Variants in CHRM5 observed in about 807,000 individuals in gnomAD.
CHRM5 encodes cholinergic receptor muscarinic 5, also known as muscarinic acetylcholine receptor M5.
In CHRM5, 18 loss-of-function variants were observed where a neutral mutation model predicts 39.0. That is an observed-to-expected ratio of 0.46 (90% CI 0.32 to 0.68). The LOEUF (loss-of-function observed/expected upper bound fraction) is 0.68. Ranked by LOEUF, CHRM5 falls within the 30% of genes least tolerant of loss-of-function variation. The pLI, the probability that CHRM5 is intolerant of heterozygous loss-of-function variation, is 0.04. For missense variants in CHRM5, 515 were observed against 651.1 expected, an observed-to-expected ratio of 0.79 and a Z score of 2.28; for synonymous variants, 241 against 246.3, an observed-to-expected ratio of 0.98 and a Z score of 0.20.
At chr15:33,993,890 T>C (rs1896828918) in intron 1 of CHRM5, among the ~76,000 whole-genome samples, 1 of 152,244 alleles carries the variant, frequency 6.6e-6, no homozygotes. Context: ...TACTAACGAA[T>C]TCTGTGGGCA....
intron 1 of CHRM5, among the ~76,000 whole-genome samples, chr15:34,016,577 TA>T (rs1567468997): frequency 6.6e-6 from 1 of 152,140 alleles, no homozygotes; most frequent in Non-Finnish European, 1.5e-5. Flanking sequence ...CCTGAATCTT[TA>T]AAAAATATTA....
Position 33,988,847 on chromosome 15 carries a change from T to C in CHRM5, c.-408+19697T>C, listed in dbSNP as rs1896596421. On this transcript the variant is annotated intron_variant, in intron 1 of 2. Coordinates refer to ENST00000383263, the MANE Select transcript of CHRM5 (RefSeq NM_012125.4). ...TCCATTAAATGAAACCAAATCCATT[T>C]TGAAAGATTTTCAGTAAAGGTGATT... Among the ~76,000 whole-genome samples the C allele has an allele frequency of 2.6e-5, 4 of 152,236 alleles. 1 individual carries two copies. The highest frequency in any genetic ancestry group is 2.6e-4 in the Admixed American group (4 of 15,286).
rs1900481870 is a variant in CHRM5, at chr15:34,065,351, T to A, written c.*1035T>A. 1 of 152,246 alleles carries A rather than the reference T, an allele frequency of 6.6e-6. No individual in the cohort carries two copies. The highest frequency in any genetic ancestry group is 6.5e-5 in the Admixed American group (1 of 15,282). 9.4% of individuals were successfully genotyped at this position (152,246 alleles called of 1,614,324 possible). On this transcript the variant is annotated 3_prime_UTR_variant, in exon 3 of 3. Coordinates refer to ENST00000383263, the MANE Select transcript of CHRM5 (RefSeq NM_012125.4). ...GTGGAAAACAGATTTGCTTTTGAAT[T>A]TCTTCCAGAGCCCTTTTGCAGCCTC...
intron 1 of CHRM5, among the ~76,000 whole-genome samples, chr15:34,043,548 G>C (rs1237193545): frequency 5.9e-5 from 9 of 152,178 alleles, no homozygotes; most frequent in Non-Finnish European, 8.8e-5. Flanking sequence ...ACCAGCTACA[G>C]GGGGAGAGAC....
At chr15:34,056,842 G>A (rs550584063) in intron 2 of CHRM5, among the ~76,000 whole-genome samples, 38 of 152,252 alleles carry the variant, frequency 2.5e-4, no homozygotes, top group African/African-American at 9.1e-4. Flanking sequence ...GCCAGCCTGA[G>A]CAACATAGCG....
At chr15:34,030,899 T>G (rs1188980034) in intron 1 of CHRM5, among the ~76,000 whole-genome samples, 1 of 152,120 alleles carries the variant, frequency 6.6e-6, no homozygotes, top group Non-Finnish European at 1.5e-5. Context: ...ATTACAGGTA[T>G]GAGCCACTAC....
At chr15:34,057,132 G>T (rs2632098) in intron 2 of CHRM5, among the ~76,000 whole-genome samples, 94,770 of 145,124 alleles carry the variant, frequency 0.65, 31,723 homozygotes, top group South Asian at 0.79. Flanking sequence ...AAGAGTTTTG[G>T]TTTTTTTTGG....
intron 2 of CHRM5, among the ~76,000 whole-genome samples, chr15:34,055,418 T>C (rs1567491177): frequency 6.6e-6 from 1 of 151,560 alleles, no homozygotes; most frequent in Non-Finnish European, 1.5e-5. Context: ...GGCAGGAGAA[T>C]CTCCTGGATC....
intron 1 of CHRM5, among the ~76,000 whole-genome samples, chr15:34,011,469 A>G (rs1442577132): frequency 6.6e-6 from 1 of 152,210 alleles, no homozygotes; most frequent in Non-Finnish European, 1.5e-5. Context: ...AACAATGTAC[A>G]TAATAATAAA....
Position 34,065,449 on chromosome 15 carries a change from G to C in CHRM5, c.*1133G>C, listed in dbSNP as rs1467956624. The C allele has an allele frequency of 6.6e-6, 1 of 152,164 alleles. No individual in the cohort carries two copies. Among genetic ancestry groups the C allele is most frequent in the African/African-American group, 2.4e-5 (1 of 41,434 alleles). The allele number at this position is 152,164 out of a possible 1,614,324, so 9.4% of individuals were successfully genotyped here. ...TCAGCTGTGCTGCCTCCAAGCAGGG[G>C]GTTGTGGGGTGAGGTGGGGGTAGAA... is the stretch of plus-strand genomic sequence containing the variant. On this transcript the variant is annotated 3_prime_UTR_variant, in exon 3 of 3. Coordinates refer to ENST00000383263, the MANE Select transcript of CHRM5 (RefSeq NM_012125.4).
At chr15:33,972,911 T>C (rs1895703482) in intron 1 of CHRM5, among the ~76,000 whole-genome samples, 1 of 152,164 alleles carries the variant, frequency 6.6e-6, no homozygotes, top group African/African-American at 2.4e-5. Context: ...ACTCCACGCA[T>C]AATTACAAGT....
chr15:34,016,051 C>T (rs1955091533), intron 1 of CHRM5, among the ~76,000 whole-genome samples: 1 of 152,086 alleles, frequency 6.6e-6, no homozygotes. Flanking sequence ...CCAAGGTGGG[C>T]GGATCGCCTG....
chr15:34,031,937 A>T (rs998455766), intron 1 of CHRM5, among the ~76,000 whole-genome samples: 1 of 152,132 alleles, frequency 6.6e-6, no homozygotes, highest in Non-Finnish European at 1.5e-5. Context: ...TTTCAGACTA[A>T]CAAAGCTGTT....
At chr15:34,004,361 T>C (rs971311959) in intron 1 of CHRM5, among the ~76,000 whole-genome samples, 4 of 151,980 alleles carry the variant, frequency 2.6e-5, no homozygotes, top group Non-Finnish European at 5.9e-5. Flanking sequence ...GTTTCTTCAA[T>C]AAATAAACTG....
At chr15:33,994,205 G>A (rs543962488) in intron 1 of CHRM5, among the ~76,000 whole-genome samples, 30 of 152,276 alleles carry the variant, frequency 2.0e-4, no homozygotes, top group South Asian at 6.2e-4. Flanking sequence ...GTGCCTGAGC[G>A]CCACCTCCTG....
At chr15:34,014,927 A>G (rs1248436568) in intron 1 of CHRM5, among the ~76,000 whole-genome samples, 4 of 152,068 alleles carry the variant, frequency 2.6e-5, no homozygotes, top group African/African-American at 9.7e-5. Flanking sequence ...GATAAACAGA[A>G]AGGAAGGGTC....
chr15:34,016,242 A>G (rs1897905985), intron 1 of CHRM5, among the ~76,000 whole-genome samples: 1 of 152,230 alleles, frequency 6.6e-6, no homozygotes, highest in Non-Finnish European at 1.5e-5. Flanking sequence ...CTCAAAAAAC[A>G]AAAACAAAAA....
chr15:33,972,202 C>T (rs886708425), intron 1 of CHRM5: 2 of 151,844 alleles, frequency 1.3e-5, no homozygotes, highest in African/African-American at 2.4e-5. Flanking sequence ...CATGATAAAA[C>T]GGGAGTAAGG....
At chr15:34,014,368 A>AG (rs1897776702) in intron 1 of CHRM5, among the ~76,000 whole-genome samples, 1 of 16,276 alleles carries the variant, frequency 6.1e-5, no homozygotes, top group Non-Finnish European at 2.7e-4. Flanking sequence ...CCATCTCATT[A>AG]AAAAAAAAAA....
Sources: gnomAD v4.1 joint callset for allele counts (sites outside exome capture counted in the v4.1 genomes callset) on GRCh38, gnomAD v4.1.1 for gene constraint, MANE v1.5 for transcripts, NCBI Gene and HGNC (gene_info 2026-07-23, HGNC 2026-07-21) for gene names.